SAMD8: variants seen among roughly 807,000 people sequenced by gnomAD.
The protein encoded by SAMD8 is sterile alpha motif domain containing 8.
SAMD8 carries 20 observed loss-of-function variants against 42.0 expected under a neutral mutation model. That is an observed-to-expected ratio of 0.48 (90% CI 0.34 to 0.69). The LOEUF is 0.69. SAMD8 is among the 30% of genes least tolerant of loss of function. The probability of loss-of-function intolerance (pLI) is 0.01; values close to 1 mark genes in which losing one functional copy is unlikely to be tolerated. For synonymous variants in SAMD8, 162 were observed against 173.0 expected, an observed-to-expected ratio of 0.94 and a Z score of 0.50; for missense variants, 328 against 511.6, an observed-to-expected ratio of 0.64 and a Z score of 3.46.
At chr10:75,157,234 GGAGAGAGA>G (rs139540562) in intron 2 of SAMD8, among the ~76,000 whole-genome samples, 5 of 148,406 alleles carry the variant, frequency 3.4e-5, no homozygotes, top group African/African-American at 7.4e-5. Context: ...ATGATGAGGG[GGAGAGAGA>G]GAGAGAGAGA....
At chr10:75,104,288 G>A (rs943542186) in intron 1 of SAMD8, among the ~76,000 whole-genome samples, 3 of 152,192 alleles carry the variant, frequency 2.0e-5, no homozygotes, top group Non-Finnish European at 4.4e-5. Flanking sequence ...TAGGGACAGA[G>A]ATGACCTCTC....
chr10:75,157,168 CT>C (rs1840430030), intron 2 of SAMD8, among the ~76,000 whole-genome samples: 1 of 151,254 alleles, frequency 6.6e-6, no homozygotes, highest in African/African-American at 2.4e-5. Context: ...AGTGTTGATT[CT>C]TTTAACTTTT....
At chr10:75,100,446 C>T (rs1848087669) in intron 1 of SAMD8, among the ~76,000 whole-genome samples, 1 of 152,142 alleles carries the variant, frequency 6.6e-6, no homozygotes, top group Non-Finnish European at 1.5e-5. Flanking sequence ...TCCTTTAAGC[C>T]CCAGTCCCTC....
intron 1 of SAMD8, among the ~76,000 whole-genome samples, chr10:75,134,559 C>T (rs952288304): frequency 2.0e-5 from 3 of 151,904 alleles, no homozygotes; most frequent in Non-Finnish European, 4.4e-5. Context: ...TGCTTGAATC[C>T]AGGAGGTGGA....
chr10:75,147,761 A>G (rs1299056194), intron 1 of SAMD8, among the ~76,000 whole-genome samples: 1 of 152,228 alleles, frequency 6.6e-6, no homozygotes, highest in African/African-American at 2.4e-5. Flanking sequence ...GAAGATATGT[A>G]TAGTAGGTAG....
intron 1 of SAMD8, among the ~76,000 whole-genome samples, chr10:75,104,485 A>C (rs961323775): frequency 2.6e-5 from 4 of 152,126 alleles, no homozygotes; most frequent in African/African-American, 7.2e-5. Flanking sequence ...GATGGGAAAG[A>C]TGCTGAGGTC....
At chr10:75,110,079 A>C (rs969870481), upstream of SAMD8, among the ~76,000 whole-genome samples, 1 of 152,180 alleles carries the variant, frequency 6.6e-6, no homozygotes, top group African/African-American at 2.4e-5. Flanking sequence ...GGCCTCCCAA[A>C]GTACTGGGAT....
In SAMD8 at chr10:75,181,540, T is replaced by C. The variant is rs918632476; in HGVS notation, c.*4848T>C. On this transcript the variant is annotated 3_prime_UTR_variant, in exon 6 of 6. Coordinates refer to ENST00000542569, the MANE Select transcript of SAMD8 (RefSeq NM_001174156.2). ...TCTGTAAGCCATATTTCAGCTATTC[T>C]GGTTTTTATAATACATTCTACCCTA... 6.6e-6 allele frequency: 1 copy of C among 152,256 alleles called. No homozygotes were observed. The highest frequency in any genetic ancestry group is 2.4e-5 in the African/African-American group (1 of 41,470). The allele number at this position is 152,256 out of a possible 1,614,324, so 9.4% of individuals were successfully genotyped here. A position where few individuals can be genotyped will look rare whatever the true frequency, so the allele number is the denominator to read the frequency against.
chr10:75,115,344 G>A (rs1284624384), intron 1 of SAMD8, among the ~76,000 whole-genome samples: 3 of 152,162 alleles, frequency 2.0e-5, no homozygotes, highest in Admixed American at 6.5e-5. Context: ...GCTTACTTTA[G>A]GTCTTGTGGT....
chr10:75,108,985 G>A, upstream of SAMD8: 1 of 1,577,068 alleles, frequency 6.3e-7, no homozygotes, highest in Non-Finnish European at 8.6e-7. Flanking sequence ...CCACCCCCAT[G>A]CCCCTTGGCC....
intron 3 of SAMD8, among the ~76,000 whole-genome samples, chr10:75,166,234 G>T (rs533948090): frequency 5.3e-5 from 8 of 151,976 alleles, no homozygotes; most frequent in Non-Finnish European, 1.2e-4. Flanking sequence ...AGGAAGCCTG[G>T]GGGGCTCCTT....
chr10:75,107,517 TCA>T (rs2134394954), upstream of SAMD8, among the ~76,000 whole-genome samples: 1 of 152,264 alleles, frequency 6.6e-6, no homozygotes, highest in African/African-American at 2.4e-5. Flanking sequence ...ATTCCAGGCC[TCA>T]GTTTCCCCAT....
At position 75,126,499 on chromosome 10, in the gene SAMD8, C is replaced by CTT. The variant is rs779589994; in HGVS notation, c.-16+14796_-16+14797dup. Among the ~76,000 whole-genome samples, 331 of 115,520 alleles carry CTT rather than the reference C, an allele frequency of 2.9e-3. 3 individuals carry two copies. Among genetic ancestry groups the CTT allele is most frequent in the African/African-American group, 6.9e-3 (216 of 31,212 alleles). The allele number at this position is 115,520 out of a possible 152,430, so 75.8% of individuals were successfully genotyped here. ...TAAATGTAACATATGAGTGCTTTTG[C>CTT]TTTTTTTTTTTTTTTTTTTTGAGAC... On this transcript the variant is annotated intron_variant, in intron 1 of 5. Transcript: ENST00000542569.
In SAMD8 at chr10:75,176,117, G is replaced by A. The variant is rs1471906778; in HGVS notation, c.844G>A (p.Gly282Ser). The A allele has an allele frequency of 3.1e-6, 5 of 1,614,194 alleles. No individual in the cohort carries two copies. The South Asian group carries it at 5.5e-5, about 18-fold the overall frequency. The stretch of plus-strand genomic sequence containing the variant: ...ACATCGAGCCTTTGCCATTTGGAGT[G>A]GCTTTGGTATGACCCTGACTGGCGT... The part of the protein sequence containing the change: ...KLHRAFAIWS[G>S]FGMTLTGVHT... Residue 282 changes from glycine (G) to serine (S), a missense_variant, in exon 5 of 6, where the codon GGC becomes AGC. This residue lies in a region of SAMD8 where 178 missense variants were observed against 325.6 expected (regional missense o/e 0.55). Transcript: ENST00000542569. The surrounding 1 kb of genome is among the most constrained non-coding windows in gnomAD (Gnocchi z 4.3).
At chr10:75,155,315 T>G (rs1840385235) in intron 2 of SAMD8, among the ~76,000 whole-genome samples, 1 of 152,158 alleles carries the variant, frequency 6.6e-6, no homozygotes, top group Admixed American at 6.6e-5. Context: ...CATGTCAGGT[T>G]TGAAATATGT....
chr10:75,155,108 T>C (rs1317710232), intron 2 of SAMD8, among the ~76,000 whole-genome samples: 5 of 152,032 alleles, frequency 3.3e-5, no homozygotes, highest in Non-Finnish European at 7.4e-5. Context: ...CCTAGGCTGG[T>C]CTCAAACTTT....
At chr10:75,123,110 C>A (rs1002353982) in intron 1 of SAMD8, among the ~76,000 whole-genome samples, 2 of 152,008 alleles carry the variant, frequency 1.3e-5, no homozygotes, top group African/African-American at 4.8e-5. Context: ...AAGTTTTGTA[C>A]CTTGCTTGCT....
chr10:75,126,671 T>C (rs966640057), intron 1 of SAMD8, among the ~76,000 whole-genome samples: 2 of 151,788 alleles, frequency 1.3e-5, no homozygotes, highest in Non-Finnish European at 1.5e-5. Context: ...TGGCTAATTT[T>C]TTTTTTTTTT....
chr10:75,164,559 CATT>C, intron 2 of SAMD8, 83 bp from the exon 3 acceptor site: 3 of 1,527,298 alleles, frequency 2.0e-6, no homozygotes, highest in South Asian at 2.5e-5. Context: ...ATTTTAAGGT[CATT>C]ATTAAAAGAG....
Sources: allele counts gnomAD v4.1 joint callset (sites outside exome capture counted in the v4.1 genomes callset), GRCh38; gene constraint gnomAD v4.1.1; regional missense constraint gnomAD v4.1.1; non-coding constraint Gnocchi (gnomAD v3.1); transcripts MANE v1.5; gene names NCBI Gene and HGNC (gene_info 2026-07-23, HGNC 2026-07-21).